SIGLEC1: variants seen among roughly 807,000 people sequenced by gnomAD.
The protein encoded by SIGLEC1 is sialoadhesin.
SIGLEC1 carries 132 observed loss-of-function variants against 148.0 expected under a neutral mutation model. That is an observed-to-expected ratio of 0.89 (90% CI 0.77 to 1.03). The LOEUF is 1.03. Ranked by LOEUF, SIGLEC1 falls within the 50% of genes least tolerant of loss-of-function variation. SIGLEC1 has a pLI of 0.00. For missense variants in SIGLEC1, 2,253 were observed against 2,271.4 expected (o/e 0.99, Z 0.16); for synonymous variants, 945 against 969.0 (o/e 0.98, Z 0.46).
In SIGLEC1 at chr20:3,696,707, AGCTTTAGCCTG is replaced by A. The variant is rs1352295384; in HGVS notation, c.2551_2561del (p.Gln851Ter). On this transcript the variant is annotated frameshift_variant, in exon 11 of 22. Transcript: ENST00000344754. LOFTEE classifies it high-confidence loss of function. ...CCTCTAACTTCAGGGAGTTGGCCTC[AGCTTTAGCCTG>A]GAACCGACCATGGGATGGGACCTGG... The A allele has an allele frequency of 3.1e-6, 5 of 1,613,658 alleles. No individual in the cohort carries two copies. The highest frequency in any genetic ancestry group is 1.3e-5 in the African/African-American group (1 of 74,938).
At chr20:3,706,942 G>T in intron 2 of SIGLEC1, 138 bp downstream of exon 2, 2 of 1,087,784 alleles carry the variant, frequency 1.8e-6, no homozygotes, top group Non-Finnish European at 1.4e-6. Context: ...TTCCTGCCCA[G>T]CTCCTGGCCA....
intron 5 of SIGLEC1, 65 bp downstream of exon 5, chr20:3,703,760 T>C: frequency 6.3e-7 from 1 of 1,595,128 alleles, no homozygotes; most frequent in Non-Finnish European, 8.5e-7. Context: ...CTGTCTCCCC[T>C]CCGTCCCTGA....
At chr20:3,695,406 C>T (rs1323722241) in intron 11 of SIGLEC1, among the ~76,000 whole-genome samples, 4 of 152,202 alleles carry the variant, frequency 2.6e-5, no homozygotes, top group African/African-American at 7.2e-5. Flanking sequence ...TTATCTTGAG[C>T]GCTCTCGCCA....
rs2087921224 is a variant in SIGLEC1 at position 3,710,287 on chromosome 20, G to T, written c.-110+2183C>A. Among the ~76,000 whole-genome samples, 1 of 152,194 alleles carries T rather than the reference G, an allele frequency of 6.6e-6. No homozygotes were observed. Among genetic ancestry groups the T allele is most frequent in the African/African-American group, 2.4e-5 (1 of 41,444 alleles). On this transcript the variant is annotated intron_variant, in intron 1 of 21. Transcript: ENST00000344754. This position sits in a 1 kb window ranked among gnomAD's most constrained non-coding sequence, Gnocchi z 4.6. ...GCCCAGGGCCAGTCAGGCTGACCAGGTGGGACTTAGCCTGCTGCAGAAGGC... is the reference window on the plus strand; with the variant it reads ...GCCCAGGGCCAGTCAGGCTGACCAGTTGGGACTTAGCCTGCTGCAGAAGGC...
In SIGLEC1 at chr20:3,688,418, G is replaced by T; in HGVS notation, c.*142C>A. On this transcript the variant is annotated 3_prime_UTR_variant, in exon 22 of 22. Coordinates refer to ENST00000344754, the MANE Select transcript of SIGLEC1 (RefSeq NM_023068.4). The stretch of plus-strand genomic sequence containing the variant: ...TTTTTGGGGGGGCAAGAGGCTTGGG[G>T]CCAGGTCATAAAAAGTCAGATGTCA... The T allele has an allele frequency of 2.6e-6, 2 of 765,228 alleles. No homozygotes were observed. The highest frequency in any genetic ancestry group is 4.5e-6 in the Non-Finnish European group (2 of 443,390). The allele number at this position is 765,228 out of a possible 1,614,324, so 47.4% of individuals were successfully genotyped here. A position where few individuals can be genotyped will look rare whatever the true frequency, so the allele number is the denominator to read the frequency against.
intron 1 of SIGLEC1, among the ~76,000 whole-genome samples, chr20:3,709,554 T>G (rs962367993): frequency 7.2e-5 from 11 of 152,204 alleles, no homozygotes; most frequent in Non-Finnish European, 1.2e-4. Context: ...TACCATATGA[T>G]CCAGCAATTC....
At chr20:3,691,816 GC>G in intron 17 of SIGLEC1, 86 bp downstream of exon 17, 6 of 1,457,708 alleles carry the variant, frequency 4.1e-6, no homozygotes, top group Non-Finnish European at 4.6e-6. Context: ...AGACCAGACA[GC>G]CCGCTCTAGT....
At chr20:3,692,414 G>T in intron 16 of SIGLEC1, 107 bp downstream of exon 16, 1 of 1,332,184 alleles carries the variant, frequency 7.5e-7, no homozygotes, top group Non-Finnish European at 1.0e-6. Flanking sequence ...TTCCCCAACT[G>T]CCCATTCCTG....
At chr20:3,689,325 G>A in intron 20 of SIGLEC1, 98 bp from the exon 21 acceptor site, 1 of 1,074,152 alleles carries the variant, frequency 9.3e-7, no homozygotes, top group Non-Finnish European at 1.4e-6. Context: ...GACCACAAGA[G>A]CGTGGGAACC....
rs768464167 is a variant in SIGLEC1, at chr20:3,703,226, C to T, written c.1199G>A (p.Arg400His). 44 of 1,614,136 alleles carry T rather than the reference C, an allele frequency of 2.7e-5. No individual in the cohort carries two copies. The highest frequency in any genetic ancestry group is 3.6e-5 in the Non-Finnish European group (42 of 1,180,024). Residue 400 changes from arginine (R) to histidine (H), a missense_variant, in exon 6 of 22, where the codon CGC (arginine) becomes CAC (histidine). Arg to His is a conservative substitution (Grantham distance 29). Coordinates refer to ENST00000344754, the MANE Select transcript of SIGLEC1 (RefSeq NM_023068.4). ...CEVQNVHGSE[R>H]SGPVSVVVNH... Reference sequence around the variant, plus strand: ...GACTACCACGCTGACAGGGCCCGAGCGCTCGCTGCCATGGACGTTCTGCAC... The same window carrying T: ...GACTACCACGCTGACAGGGCCCGAGTGCTCGCTGCCATGGACGTTCTGCAC...
chr20:3,706,150 A>C lies in SIGLEC1; in HGVS notation c.410-110T>G, dbSNP rs114634897. ...CCCTGGGGAGGGGGCTTTTAGGGGA[A>C]GGAAAGACGCTTTCTACTCCAGCCC... On this transcript the variant is annotated intron_variant, in intron 3 of 21. Coordinates refer to ENST00000344754, the MANE Select transcript of SIGLEC1 (RefSeq NM_023068.4). The C allele has an allele frequency of 3.8e-3, 4,991 of 1,330,778 alleles. 130 individuals are homozygous for C. In the African/African-American group the frequency reaches 0.062, roughly 17 times the overall value. 82.4% of individuals were successfully genotyped at this position (1,330,778 alleles called of 1,614,324 possible).
At chr20:3,689,294 G>A (rs1282510700) in intron 20 of SIGLEC1, 67 bp from the exon 21 acceptor site, 10 of 1,362,726 alleles carry the variant, frequency 7.3e-6, no homozygotes, top group East Asian at 2.3e-5. Context: ...TTCCTCTCCC[G>A]CTCCCCACAG....
chr20:3,689,770 C>T (rs1666251525), intron 19 of SIGLEC1, 68 bp from the exon 20 acceptor site: 15 of 1,413,448 alleles, frequency 1.1e-5, no homozygotes, highest in Non-Finnish European at 1.5e-5. Flanking sequence ...CCAAGGGGAC[C>T]CACCCAAGAT....
At chr20:3,696,453 G>T in intron 11 of SIGLEC1, 133 bp downstream of exon 11, 1 of 760,844 alleles carries the variant, frequency 1.3e-6, no homozygotes, top group Non-Finnish European at 1.9e-6. Context: ...CCTTCTGCTG[G>T]CTGGAAACTG....
intron 7 of SIGLEC1, among the ~76,000 whole-genome samples, chr20:3,700,634 G>A (rs114851991): frequency 0.011 from 1,655 of 151,948 alleles, 29 homozygotes; most frequent in African/African-American, 0.038. Flanking sequence ...CATGCCCTCA[G>A]GAGGAGGGAA....
chr20:3,707,284 A>G (rs1309175062), intron 1 of SIGLEC1, among the ~76,000 whole-genome samples, 47 bp from the exon 2 acceptor site: 3 of 152,276 alleles, frequency 2.0e-5, no homozygotes, highest in East Asian at 1.9e-4. Context: ...GGCCAACCCA[A>G]TAAGAGGGCA....
At chr20:3,689,111 G>C in intron 21 of SIGLEC1, 44 bp downstream of exon 21, 1 of 1,526,316 alleles carries the variant, frequency 6.6e-7, no homozygotes, top group East Asian at 2.2e-5. Context: ...TGGCACTGTG[G>C]GTTAGCTGGG....
chr20:3,709,105 A>G (rs2087915809), intron 1 of SIGLEC1, among the ~76,000 whole-genome samples: 1 of 152,056 alleles, frequency 6.6e-6, no homozygotes, highest in Non-Finnish European at 1.5e-5. Flanking sequence ...AGAGTGAATA[A>G]AAGGAGGACA....
At position 3,703,368 on chromosome 20, in the gene SIGLEC1, G is replaced by A; in HGVS notation, c.1057C>T (p.Pro353Ser). The A allele has an allele frequency of 6.2e-7, 1 of 1,613,346 alleles. No individual in the cohort carries two copies. The highest frequency in any genetic ancestry group is 8.5e-7 in the Non-Finnish European group (1 of 1,179,588). ...TACCAGCTGTAGCGGAGATCACTGG[G>A]TGCCTCATTGGGTGTGTTGCAGACT... is the stretch of plus-strand genomic sequence containing the variant. ...TLVCNTPNEAPSDLRYSWYKN... is the reference protein window; with the variant it reads ...TLVCNTPNEASSDLRYSWYKN... Residue 353 changes from proline to serine, a missense_variant, in exon 6 of 22, where the codon CCC (proline) becomes TCC (serine). Coordinates refer to ENST00000344754, the MANE Select transcript of SIGLEC1 (RefSeq NM_023068.4).
Sources: allele counts gnomAD v4.1 joint callset (sites outside exome capture counted in the v4.1 genomes callset), GRCh38; gene constraint gnomAD v4.1.1; non-coding constraint Gnocchi (gnomAD v3.1); transcripts MANE v1.5; gene names NCBI Gene and HGNC (gene_info 2026-07-23, HGNC 2026-07-21).